The following ZFC3H1 variants were observed in gnomAD, a reference collection of about 807,000 sequenced individuals.
ZFC3H1 encodes the protein zinc finger C3H1 domain-containing protein.
Under a neutral mutation model 243.7 loss-of-function variants are expected in ZFC3H1, and 71 were observed. The ratio of observed to expected loss-of-function variants is 0.29; its 90% CI spans 0.24 to 0.36. The LOEUF is 0.36. ZFC3H1 is among the 10% of genes least tolerant of loss of function. ZFC3H1 has a pLI of 1.00. For missense variants in ZFC3H1, 1,966 were observed against 2,317.1 expected (o/e 0.85, Z 3.11); for synonymous variants, 838 against 813.0 (o/e 1.03, Z -0.52).
At chr12:71,614,254 T>C (rs1214421627) in intron 30 of ZFC3H1, among the ~76,000 whole-genome samples, 1 of 150,714 alleles carries the variant, frequency 6.6e-6, no homozygotes, top group Non-Finnish European at 1.5e-5. Flanking sequence ...ACGTGTTTTT[T>C]CATTAATATG....
In ZFC3H1 at chr12:71,628,983, C is replaced by T. The variant is rs1205568834; in HGVS notation, c.3881G>A (p.Arg1294Lys). 1.2e-6 allele frequency: 2 copies of T among 1,613,294 alleles called. No individual in the cohort carries two copies. Among genetic ancestry groups the T allele is most frequent in the Non-Finnish European group, 1.7e-6 (2 of 1,179,762 alleles). The change falls in exon 20 of 35, where the codon AGA (arginine) becomes AAA (lysine). Residue 1294 changes from arginine (R) to lysine (K), a missense_variant. Physicochemically the swap from Arg to Lys is conservative, Grantham distance 26. Coordinates refer to ENST00000378743, the MANE Select transcript of ZFC3H1 (RefSeq NM_144982.5). ...GAAGCTATTATCTGAAATAGGTTTT[C>T]TCCAAAACTTTGGCTTCCACTTTCT... is the stretch of plus-strand genomic sequence containing the variant. ...DKRKWKPKFW[R>K]KPISDNSFSS...
At chr12:71,611,980 G>T in intron 31 of ZFC3H1, 93 bp from the exon 32 acceptor site, 1 of 687,354 alleles carries the variant, frequency 1.5e-6, no homozygotes, top group South Asian at 1.9e-5. Context: ...TATAAATTTT[G>T]ATTAGTTAAA....
chr12:71,662,154 T>C (rs978672964), intron 1 of ZFC3H1, among the ~76,000 whole-genome samples: 1 of 152,228 alleles, frequency 6.6e-6, no homozygotes, highest in African/African-American at 2.4e-5. Flanking sequence ...CTTCGGATGA[T>C]TGATTCCTCT....
At chr12:71,647,502 T>C (rs937166490) in intron 3 of ZFC3H1, among the ~76,000 whole-genome samples, 7 of 152,012 alleles carry the variant, frequency 4.6e-5, no homozygotes, top group African/African-American at 1.7e-4. Context: ...AAAAAACAAA[T>C]GATTAAAAAA....
At position 71,637,926 on chromosome 12, in the gene ZFC3H1, T is replaced by C. The variant is rs553216747; in HGVS notation, c.1725+492A>G. Among the ~76,000 whole-genome samples the C allele has an allele frequency of 1.1e-4, 17 of 152,290 alleles. No homozygotes were observed. In the East Asian group the frequency reaches 3.3e-3, roughly 29 times the overall value. Reference sequence around the variant, plus strand: ...TTTTATTGTTTTTATTTTTTTGTTTTATTTTTAGTGGGAGGACTGGAGATG... The same window carrying C: ...TTTTATTGTTTTTATTTTTTTGTTTCATTTTTAGTGGGAGGACTGGAGATG... On this transcript the variant is annotated intron_variant, in intron 7 of 34. Transcript: ENST00000378743.
At chr12:71,627,589 G>T (rs1431337846) in intron 21 of ZFC3H1, among the ~76,000 whole-genome samples, 162 bp downstream of exon 21, 5 of 152,056 alleles carry the variant, frequency 3.3e-5, no homozygotes, top group Non-Finnish European at 7.4e-5. Flanking sequence ...TCTTAAACTT[G>T]TCTAATAGCT....
intron 21 of ZFC3H1, 67 bp from the exon 22 acceptor site, chr12:71,626,513 T>C: frequency 1.2e-5 from 16 of 1,325,210 alleles, no homozygotes; most frequent in Non-Finnish European, 1.6e-5. Flanking sequence ...ATAGGGCTAA[T>C]CCAATGAGTC....
chr12:71,662,938 G>T (rs895155018), intron 1 of ZFC3H1, 75 bp downstream of exon 1: 2 of 1,393,048 alleles, frequency 1.4e-6, no homozygotes, highest in Non-Finnish European at 1.9e-6. Context: ...AGTTACACTC[G>T]TCTCACAGAC....
chr12:71,629,180 G>A, intron 19 of ZFC3H1, 143 bp from the exon 20 acceptor site: 2 of 748,376 alleles, frequency 2.7e-6, no homozygotes, highest in Non-Finnish European at 4.0e-6. Context: ...TTTTGAGATG[G>A]AAGTCTCACT....
chr12:71,646,010 A>T (rs75711587), intron 3 of ZFC3H1, among the ~76,000 whole-genome samples: 7 of 152,202 alleles, frequency 4.6e-5, no homozygotes, highest in African/African-American at 1.4e-4. Flanking sequence ...AAAGATTCCA[A>T]AAGATTAAGG....
rs1214616564 is a variant in ZFC3H1 at position 71,626,317 on chromosome 12, C to T, written c.4260G>A (p.Val1420=). Residue 1420 remains valine (V), a synonymous_variant, in exon 22 of 35, where the codon GTG becomes GTA. Transcript: ENST00000378743. ...LFSKRGTKDE[V]QEMCETAVEY... ...CAACAGCTGTTTCACACATTTCCTG[C>T]ACCTCGTCCTTGGTTCCTCTTTTTG... 1 of 1,613,972 alleles carries T rather than the reference C, an allele frequency of 6.2e-7. No homozygotes were observed. The highest frequency in any genetic ancestry group is 1.7e-5 in the Admixed American group (1 of 59,986).
chr12:71,634,764 G>T lies in ZFC3H1; in HGVS notation c.2300C>A (p.Pro767Gln). 6.2e-7 allele frequency: 1 copy of T among 1,605,132 alleles called. No individual in the cohort carries two copies. The highest frequency in any genetic ancestry group is 8.5e-7 in the Non-Finnish European group (1 of 1,176,430). Reference protein sequence around the residue: ...SEKENDPLRTPEALPEEKKIE... With the variant: ...SEKENDPLRTQEALPEEKKIE... ...CTTCTTTTCTTCAGGCAAAGCCTCC[G>T]GTGTTCGCAGAGGATCATTTTCTTT... The change falls in exon 11 of 35, where the codon CCG (proline) becomes CAG (glutamine). Residue 767 changes from proline to glutamine, a missense_variant. Coordinates refer to ENST00000378743, the MANE Select transcript of ZFC3H1 (RefSeq NM_144982.5).
chr12:71,641,322 G>A (rs1453408564), intron 6 of ZFC3H1, among the ~76,000 whole-genome samples: 1 of 152,100 alleles, frequency 6.6e-6, no homozygotes, highest in African/African-American at 2.4e-5. Context: ...TGAAAAATGA[G>A]CATTTTGGTA....
intron 18 of ZFC3H1, 51 bp downstream of exon 18, chr12:71,630,549 G>A (rs750706733): frequency 6.4e-6 from 10 of 1,574,486 alleles, no homozygotes; most frequent in African/African-American, 5.5e-5. Flanking sequence ...GAATTTTTAA[G>A]TTGCCTAAAT....
chr12:71,653,642 A>G (rs1485232064), intron 2 of ZFC3H1, among the ~76,000 whole-genome samples: 2 of 152,256 alleles, frequency 1.3e-5, no homozygotes, highest in Non-Finnish European at 2.9e-5. Flanking sequence ...AAAAAAGATT[A>G]TCTTCAAATT....
chr12:71,612,010 C>A, intron 31 of ZFC3H1, 123 bp from the exon 32 acceptor site: 1 of 536,988 alleles, frequency 1.9e-6, no homozygotes, highest in Non-Finnish European at 3.2e-6. Context: ...GACTACCCAG[C>A]AAATATTTTA....
At position 71,610,547 on chromosome 12, in the gene ZFC3H1, A is replaced by T. The variant is rs750031886; in HGVS notation, c.5851T>A (p.Ser1951Thr). The T allele has an allele frequency of 2.5e-6, 4 of 1,613,472 alleles. No homozygotes were observed. The South Asian group carries it at 4.4e-5, about 18-fold the overall frequency. The change falls in exon 35 of 35, where the codon TCA becomes ACA. Residue 1951 changes from serine to threonine, a missense_variant. By Grantham distance (58) the Ser-to-Thr change is moderately conservative. Around this residue, in one of 4 missense-constraint regions of ZFC3H1, gnomAD observed 1,383 missense variants for 1,723.7 expected, o/e 0.80. Coordinates refer to ENST00000378743, the MANE Select transcript of ZFC3H1 (RefSeq NM_144982.5). ...LWKDQLLFEA[S>T]EGGKTDNLRK... is the part of the protein sequence containing the mutation. Reference sequence around the variant, plus strand: ...AGGTTATCAGTTTTACCTCCTTCTGATGCTTCAAACAAGAGTTGCTGTAAA... The same window carrying T: ...AGGTTATCAGTTTTACCTCCTTCTGTTGCTTCAAACAAGAGTTGCTGTAAA...
rs1043849389 is a variant in ZFC3H1, at chr12:71,610,286, G to C, written c.*142C>G. On this transcript the variant is annotated 3_prime_UTR_variant, in exon 35 of 35. Transcript: ENST00000378743. ...TTCATTGCTTCCGGTTTTGAGGACAGGATATTGTAGGGAACTTGATATGAT... is the reference window on the plus strand; with the variant it reads ...TTCATTGCTTCCGGTTTTGAGGACACGATATTGTAGGGAACTTGATATGAT... The C allele has an allele frequency of 2.0e-6, 2 of 1,001,798 alleles. No individual in the cohort carries two copies. Among genetic ancestry groups the C allele is most frequent in the African/African-American group, 1.6e-5 (1 of 61,236 alleles). 62.1% of individuals were successfully genotyped at this position (1,001,798 alleles called of 1,614,324 possible).
Position 71,627,948 on chromosome 12 carries a change from A to G in ZFC3H1, c.3947-14T>C. The G allele has an allele frequency of 6.2e-7, 1 of 1,607,376 alleles. No homozygotes were observed. The stretch of plus-strand genomic sequence containing the variant: ...CTGGCTGGAAAGCTATTTAAAAAAA[A>G]AGTATTATTAGCTTCACATTTTCTT... On this transcript the variant is annotated splice_polypyrimidine_tract_variant and intron_variant, in intron 20 of 34. Transcript: ENST00000378743.
Sources: allele counts gnomAD v4.1 joint callset (sites outside exome capture counted in the v4.1 genomes callset), GRCh38; gene constraint gnomAD v4.1.1; regional missense constraint gnomAD v4.1.1; transcripts MANE v1.5; gene names NCBI Gene and HGNC (gene_info 2026-07-23, HGNC 2026-07-21).